Variants in APBA2 observed in about 807,000 individuals in gnomAD.
APBA2 encodes amyloid beta precursor protein binding family A member 2, also known as amyloid-beta A4 precursor protein-binding family A member 2.
APBA2 carries 30 observed loss-of-function variants against 75.0 expected under a neutral mutation model. That is an observed-to-expected ratio of 0.40 (90% CI 0.30 to 0.54). The LOEUF (loss-of-function observed/expected upper bound fraction) is 0.54. Among genes scored for constraint, APBA2 ranks in the 20% least tolerant of loss-of-function variants. The pLI is 0.49. For synonymous variants in APBA2, 444 were observed against 409.6 expected (o/e 1.08, Z -1.01); for missense variants, 801 against 1,016.1 (o/e 0.79, Z 2.88).
At chr15:28,920,975 G>A (rs1468732254) in intron 1 of APBA2, among the ~76,000 whole-genome samples, 4 of 152,108 alleles carry the variant, frequency 2.6e-5, no homozygotes, top group Non-Finnish European at 5.9e-5. Context: ...CTGGCTGAGC[G>A]CTGATGGCCA....
At chr15:28,983,643 C>A (rs1455202826) in intron 2 of APBA2, among the ~76,000 whole-genome samples, 1 of 152,194 alleles carries the variant, frequency 6.6e-6, no homozygotes, top group Non-Finnish European at 1.5e-5. Context: ...CCACCCACCT[C>A]GCGGTGTAGG....
chr15:29,039,113 G>C (rs2040899374), intron 3 of APBA2, among the ~76,000 whole-genome samples: 1 of 122,942 alleles, frequency 8.1e-6, no homozygotes, highest in East Asian at 2.1e-4. Flanking sequence ...GTGTGTGTGT[G>C]TGTGTGTGTG....
At position 29,045,069 on chromosome 15, in the gene APBA2, T is replaced by TTCTCTCTCTCTCTCTCTCTC. The variant is rs1555399868; in HGVS notation, c.-40-8761_-40-8742dup. On this transcript the variant is annotated intron_variant, in intron 3 of 14. Transcript: ENST00000683413. ...CCTTCCTCTCTCCCTCCCTCCCTCC[T>TTCTCTCTCTCTCTCTCTCTC]TCTCTCTCTCTCTCTCTCTCTCTCT... Among the ~76,000 whole-genome samples, 96 of 82,872 alleles carry TTCTCTCTCTCTCTCTCTCTC rather than the reference T, an allele frequency of 1.2e-3. 3 individuals carry two copies. Among genetic ancestry groups the TTCTCTCTCTCTCTCTCTCTC allele is most frequent in the African/African-American group, 8.9e-3 (77 of 8,648 alleles). The allele number at this position is 82,872 out of a possible 152,430, so 54.4% of individuals were successfully genotyped here.
At chr15:28,986,512 AT>A (rs901416445) in intron 2 of APBA2, among the ~76,000 whole-genome samples, 8 of 152,020 alleles carry the variant, frequency 5.3e-5, no homozygotes, top group Admixed American at 2.0e-4. Flanking sequence ...TATTAAAAAA[AT>A]TTTTTTTGAG....
intron 1 of APBA2, among the ~76,000 whole-genome samples, chr15:28,890,716 C>G (rs1013296784): frequency 1.3e-5 from 2 of 152,226 alleles, no homozygotes; most frequent in Non-Finnish European, 2.9e-5. Flanking sequence ...GAGAGTCTTT[C>G]TCAGCATCTG....
rs557198589 is a variant in APBA2 at position 29,116,737 on chromosome 15, C to T, written c.2179-325C>T. Among the ~76,000 whole-genome samples, 5 of 152,306 alleles carry T rather than the reference C, an allele frequency of 3.3e-5. No homozygotes were observed. The East Asian group carries it at 9.7e-4, about 29-fold the overall frequency. ...CTGCCGAGGCCTGGCCACCCCCAGCCAGCCCCAGTGGATGGGCAAACTGTT... is the reference window on the plus strand; with the variant it reads ...CTGCCGAGGCCTGGCCACCCCCAGCTAGCCCCAGTGGATGGGCAAACTGTT... On this transcript the variant is annotated intron_variant, in intron 14 of 14. Transcript: ENST00000683413.
At chr15:29,113,478 C>T (rs1216472001) in intron 13 of APBA2, among the ~76,000 whole-genome samples, 3 of 152,166 alleles carry the variant, frequency 2.0e-5, no homozygotes, top group Non-Finnish European at 4.4e-5. Context: ...GACAGGCTGC[C>T]TCTCCTTTCC....
rs76687371 is a variant in APBA2, at chr15:29,106,787, C to A, written c.1885C>A (p.Leu629Met). The change falls in exon 12 of 15, where the codon CTG becomes ATG. Residue 629 changes from leucine to methionine, a missense_variant. Coordinates refer to ENST00000683413, the MANE Select transcript of APBA2 (RefSeq NM_001353788.2). ...MSINGTSLVG[L>M]PLATCQGIIK... Reference sequence around the variant, plus strand: ...CATCAATGGCACCAGCCTGGTGGGGCTGCCCCTCGCCACCTGCCAAGGCAT... The same window carrying A: ...CATCAATGGCACCAGCCTGGTGGGGATGCCCCTCGCCACCTGCCAAGGCAT... The A allele has an allele frequency of 6.2e-7, 1 of 1,612,928 alleles. No homozygotes were observed. Among genetic ancestry groups the A allele is most frequent in the Non-Finnish European group, 8.5e-7 (1 of 1,179,904 alleles).
At chr15:29,099,036 C>A (rs915603928) in intron 9 of APBA2, among the ~76,000 whole-genome samples, 6 of 152,164 alleles carry the variant, frequency 3.9e-5, no homozygotes, top group Non-Finnish European at 8.8e-5. Context: ...TCCCACTGAT[C>A]TTTGTGTCCT....
At chr15:29,025,370 A>G (rs1334162544) in intron 3 of APBA2, among the ~76,000 whole-genome samples, 1 of 150,950 alleles carries the variant, frequency 6.6e-6, no homozygotes, top group Non-Finnish European at 1.5e-5. Context: ...GGTTCAAGCA[A>G]TTTTCCTGTC....
chr15:29,033,656 A>G (rs903275819), intron 3 of APBA2, among the ~76,000 whole-genome samples: 1 of 151,990 alleles, frequency 6.6e-6, no homozygotes, highest in African/African-American at 2.4e-5. Flanking sequence ...ACAACCCAGA[A>G]CCAGACAAAA....
At chr15:28,907,973 T>A (rs2033219171) in intron 1 of APBA2, among the ~76,000 whole-genome samples, 2 of 152,190 alleles carry the variant, frequency 1.3e-5, no homozygotes, top group Non-Finnish European at 2.9e-5. Context: ...AAAACCTTAA[T>A]GTTATTTAAA....
chr15:29,110,055 C>T (rs2152977447), intron 13 of APBA2, among the ~76,000 whole-genome samples: 1 of 152,370 alleles, frequency 6.6e-6, no homozygotes, highest in East Asian at 1.9e-4. Flanking sequence ...GTTGCCCCAG[C>T]TAATTTGGGG....
At position 28,991,381 on chromosome 15, in the gene APBA2, GCTGAGCTA is replaced by G. The variant is rs1479328507; in HGVS notation, c.-94-4370_-94-4363del. The stretch of plus-strand genomic sequence containing the variant: ...TCCCTCTTGCTCTTGCGGCAGCTTG[GCTGAGCTA>G]CAGGGCCGGGCCGCAGGAGGCGTCC... On this transcript the variant is annotated intron_variant, in intron 2 of 14. Coordinates refer to ENST00000683413, the MANE Select transcript of APBA2 (RefSeq NM_001353788.2). This position sits in a 1 kb window ranked among gnomAD's most constrained non-coding sequence, Gnocchi z 4.7. Among the ~76,000 whole-genome samples the G allele has an allele frequency of 3.9e-5, 6 of 152,198 alleles. No individual in the cohort carries two copies. Among genetic ancestry groups the G allele is most frequent in the African/African-American group, 1.4e-4 (6 of 41,452 alleles).
chr15:29,097,790 C>T lies in APBA2; in HGVS notation c.1252-700C>T, dbSNP rs150774322. ...TCCTGTCTAGCAGGAGCTTTGTGTC[C>T]GTGGACCAATACTTCCCCCTTCACT... On this transcript the variant is annotated intron_variant, in intron 8 of 14. Transcript: ENST00000683413. 6.6e-3 allele frequency among the ~76,000 whole-genome samples: 1,009 copies of T among 152,212 alleles called. 10 individuals carry two copies. The highest frequency in any genetic ancestry group is 0.023 in the African/African-American group (936 of 41,524).
At chr15:29,112,742 T>C (rs2044803407) in intron 13 of APBA2, among the ~76,000 whole-genome samples, 1 of 152,230 alleles carries the variant, frequency 6.6e-6, no homozygotes, top group Non-Finnish European at 1.5e-5. Context: ...CATTTTGAAG[T>C]GCAGAGTTCT....
chr15:28,894,801 G>T (rs913717229), intron 1 of APBA2, among the ~76,000 whole-genome samples: 2 of 151,694 alleles, frequency 1.3e-5, no homozygotes, highest in African/African-American at 4.8e-5. Context: ...GAAGGACGCC[G>T]TTAGGGGCAT....
intron 1 of APBA2, among the ~76,000 whole-genome samples, chr15:28,907,693 C>G (rs1010972568): frequency 7.9e-5 from 12 of 151,292 alleles, no homozygotes; most frequent in African/African-American, 2.9e-4. Context: ...GAGCTTGCGT[C>G]CCATCATAGA....
At chr15:29,041,296 C>T (rs1354552067) in intron 3 of APBA2, among the ~76,000 whole-genome samples, 1 of 151,858 alleles carries the variant, frequency 6.6e-6, no homozygotes, top group Non-Finnish European at 1.5e-5. Flanking sequence ...TATGGTAAGA[C>T]CTCTTCTCTA....
Sources: gnomAD v4.1 joint callset for allele counts (sites outside exome capture counted in the v4.1 genomes callset) on GRCh38, gnomAD v4.1.1 for gene constraint, Gnocchi (gnomAD v3.1) non-coding constraint, MANE v1.5 for transcripts, NCBI Gene and HGNC (gene_info 2026-07-23, HGNC 2026-07-21) for gene names.